SMYD3: variants seen among roughly 807,000 people sequenced by gnomAD.
SMYD3 encodes the protein SET and MYND domain containing 3, also known as histone-lysine N-methyltransferase SMYD3.
Under a neutral mutation model 57.7 loss-of-function variants are expected in SMYD3, and 36 were observed. The observed-to-expected ratio is 0.62, with a 90% CI of 0.48 to 0.82. The LOEUF (loss-of-function observed/expected upper bound fraction) is 0.82, where lower values mean the gene tolerates loss of function less well. Ranked by LOEUF, SMYD3 falls within the 40% of genes least tolerant of loss-of-function variation. The pLI, the probability that SMYD3 is intolerant of heterozygous loss-of-function variation, is 0.00. For synonymous variants in SMYD3, 211 were observed against 195.0 expected, an observed-to-expected ratio of 1.08 and a Z score of -0.68; for missense variants, 515 against 538.8, an observed-to-expected ratio of 0.96 and a Z score of 0.44.
chr1:245,917,878 T>C (rs529621177), intron 7 of SMYD3, among the ~76,000 whole-genome samples: 11 of 152,288 alleles, frequency 7.2e-5, no homozygotes, highest in African/African-American at 2.6e-4. Context: ...AGCAGAAAAC[T>C]CCATGTGGTT....
chr1:246,113,853 C>T (rs558183847), intron 5 of SMYD3: 46 of 152,224 alleles, frequency 3.0e-4, no homozygotes, highest in African/African-American at 1.1e-3. Flanking sequence ...ATAAACATAT[C>T]TGCTGAGAAA....
At chr1:246,053,119 C>G (rs1410477420) in intron 5 of SMYD3, 2 of 151,936 alleles carry the variant, frequency 1.3e-5, no homozygotes, top group African/African-American at 4.8e-5. Flanking sequence ...GTGGTATGCA[C>G]CTATAGTCCC....
chr1:246,101,574 A>G (rs945498308), intron 5 of SMYD3, among the ~76,000 whole-genome samples: 1 of 152,258 alleles, frequency 6.6e-6, no homozygotes, highest in African/African-American at 2.4e-5. Flanking sequence ...TTTAAAAAAT[A>G]TGGCTTATGT....
intron 5 of SMYD3, among the ~76,000 whole-genome samples, chr1:246,159,070 G>A (rs1048665730): frequency 6.6e-6 from 1 of 152,142 alleles, no homozygotes; most frequent in Non-Finnish European, 1.5e-5. Context: ...GACCAAGGAA[G>A]GCATCTTTGA....
intron 7 of SMYD3, among the ~76,000 whole-genome samples, chr1:245,920,316 A>G (rs1485178107): frequency 2.1e-4 from 1 of 4,656 alleles, no homozygotes; most frequent in African/African-American, 8.8e-4. Flanking sequence ...CCGTCTCAAA[A>G]AAAAAAAAAA....
At chr1:246,400,241 G>A (rs181950231) in intron 1 of SMYD3, among the ~76,000 whole-genome samples, 2 of 152,328 alleles carry the variant, frequency 1.3e-5, no homozygotes, top group African/African-American at 2.4e-5. Context: ...TGAGGAATAA[G>A]CACAGAACAG....
At chr1:245,776,354 A>T (rs2046593002) in intron 10 of SMYD3, among the ~76,000 whole-genome samples, 1 of 152,174 alleles carries the variant, frequency 6.6e-6, no homozygotes, top group African/African-American at 2.4e-5. Flanking sequence ...GTAAGAAAGG[A>T]GCATTGTCGT....
chr1:245,797,754 C>G (rs1258551537), intron 10 of SMYD3, among the ~76,000 whole-genome samples: 1 of 150,520 alleles, frequency 6.6e-6, no homozygotes, highest in Non-Finnish European at 1.5e-5. Flanking sequence ...GATTTCAGGT[C>G]CACTGCAGAC....
chr1:246,205,539 C>T (rs991556420), intron 5 of SMYD3, among the ~76,000 whole-genome samples: 8 of 152,152 alleles, frequency 5.3e-5, no homozygotes, highest in Non-Finnish European at 8.8e-5. Context: ...TTCCCAGTTC[C>T]GGCCCAGCGT....
intron 5 of SMYD3, among the ~76,000 whole-genome samples, chr1:246,185,482 T>C (rs2062621222): frequency 8.0e-6 from 1 of 124,352 alleles, no homozygotes; most frequent in East Asian, 2.3e-4. Context: ...TGAGACGGAG[T>C]TTTGCTCTGT....
intron 1 of SMYD3, among the ~76,000 whole-genome samples, chr1:246,374,845 C>A: frequency 7.1e-6 from 1 of 140,380 alleles, no homozygotes; most frequent in Admixed American, 6.9e-5. Flanking sequence ...GTTATCCCAG[C>A]AGTTTGGGGG....
chr1:245,929,963 T>C lies in SMYD3; in HGVS notation c.532-26A>G, dbSNP rs201771096. 3.9e-5 allele frequency: 62 copies of C among 1,596,510 alleles called. No individual in the cohort carries two copies. In the Middle Eastern group the frequency reaches 5.0e-4, roughly 13 times the overall value. On this transcript the variant is annotated intron_variant, in intron 5 of 11. Transcript: ENST00000490107. ...CTGTAAACACAAGGGGAACCATCAG[T>C]ATTACTAGAGTCACTTAAGAAACTT...
intron 5 of SMYD3, among the ~76,000 whole-genome samples, chr1:246,254,674 C>T (rs139279845): frequency 6.6e-6 from 1 of 152,296 alleles, no homozygotes; most frequent in East Asian, 1.9e-4. Context: ...TGAAAAATGA[C>T]ACTGGTAGTT....
chr1:246,239,853 A>T (rs2063576887), intron 5 of SMYD3, among the ~76,000 whole-genome samples: 1 of 152,118 alleles, frequency 6.6e-6, no homozygotes, highest in South Asian at 2.1e-4. Context: ...GATGATGAGC[A>T]CTTTTTATGT....
At chr1:246,371,381 G>C (rs1049303483) in intron 1 of SMYD3, among the ~76,000 whole-genome samples, 4 of 152,094 alleles carry the variant, frequency 2.6e-5, no homozygotes, top group Admixed American at 1.3e-4. Context: ...AACAACACCC[G>C]TCCCTAAATA....
intron 8 of SMYD3, among the ~76,000 whole-genome samples, chr1:245,897,356 A>C (rs996427816): frequency 6.6e-6 from 1 of 152,214 alleles, no homozygotes; most frequent in Non-Finnish European, 1.5e-5. Flanking sequence ...CATTGTTTTC[A>C]ACTGTGTTAG....
chr1:246,127,282 T>C (rs140155554), intron 5 of SMYD3, among the ~76,000 whole-genome samples: 6 of 152,136 alleles, frequency 3.9e-5, no homozygotes, highest in East Asian at 1.9e-4. Context: ...CACCAAACCA[T>C]AGACTGCATA....
chr1:245,794,298 T>A (rs528135586), intron 10 of SMYD3, among the ~76,000 whole-genome samples: 4 of 152,252 alleles, frequency 2.6e-5, no homozygotes, highest in Non-Finnish European at 5.9e-5. Flanking sequence ...TCCTTGTACC[T>A]CTTAAAATAT....
At chr1:245,824,856 CAA>C (rs34891255) in intron 10 of SMYD3, among the ~76,000 whole-genome samples, 5 of 119,172 alleles carry the variant, frequency 4.2e-5, no homozygotes, top group African/African-American at 1.0e-4. Flanking sequence ...AACTCCGTCT[CAA>C]AAAAAAAAAA....
Sources: gnomAD v4.1 joint callset for allele counts (sites outside exome capture counted in the v4.1 genomes callset) on GRCh38, gnomAD v4.1.1 for gene constraint, MANE v1.5 for transcripts, NCBI Gene and HGNC (gene_info 2026-07-23, HGNC 2026-07-21) for gene names.